ZNF746: variants seen among roughly 807,000 people sequenced by gnomAD.
ZNF746 encodes parkin-interacting substrate.
In ZNF746, 13 loss-of-function variants were observed where a neutral mutation model predicts 41.0. That is an observed-to-expected ratio of 0.32 (90% CI 0.21 to 0.50). The LOEUF (loss-of-function observed/expected upper bound fraction) is 0.50, where lower values mean the gene tolerates loss of function less well. ZNF746 is among the 20% of genes least tolerant of loss of function. The pLI, the probability that ZNF746 is intolerant of heterozygous loss-of-function variation, is 0.98. For missense variants in ZNF746, 811 were observed against 922.9 expected (o/e 0.88, Z 1.57); for synonymous variants, 424 against 396.2 (o/e 1.07, Z -0.83).
chr7:149,477,560 T>C lies in ZNF746; in HGVS notation c.757+4A>G. 1 of 1,596,692 alleles carries C rather than the reference T, an allele frequency of 6.3e-7. No homozygotes were observed. The highest frequency in any genetic ancestry group is 8.6e-7 in the Non-Finnish European group (1 of 1,167,080). On this transcript the variant is annotated splice_donor_region_variant and intron_variant, in intron 5 of 6. Coordinates refer to ENST00000458143, the MANE Select transcript of ZNF746 (RefSeq NM_001394198.1). ...TTCCTTATGTCCCCGTCTCAGCCAC[T>C]TACCAGAGGTGGCATCCGTGGAGAT...
chr7:149,477,420 C>A, intron 5 of ZNF746, 144 bp downstream of exon 5: 1 of 963,630 alleles, frequency 1.0e-6, no homozygotes, highest in Non-Finnish European at 1.5e-6. Flanking sequence ...TTAGTACAGT[C>A]CTACCTCGAG....
chr7:149,479,532 AAGAAAAAGACAT>A (rs1800422840), intron 4 of ZNF746, among the ~76,000 whole-genome samples: 3 of 152,260 alleles, frequency 2.0e-5, no homozygotes, highest in Non-Finnish European at 4.4e-5. Context: ...ATTTTCAAAA[AAGAAAAAGACAT>A]ATTATGAACA....
chr7:149,496,953 A>T, intron 1 of ZNF746: 2 of 983,090 alleles, frequency 2.0e-6, no homozygotes, highest in Non-Finnish European at 2.4e-6. Flanking sequence ...TTTGTATGAC[A>T]GAGATTAACA....
At position 149,497,325 on chromosome 7, in the gene ZNF746, G is replaced by A. The variant is rs914470442; in HGVS notation, c.24+188C>T. 1.0e-6 allele frequency: 1 copy of A among 984,506 alleles called. No individual in the cohort carries two copies. The highest frequency in any genetic ancestry group is 1.7e-5 in the African/African-American group (1 of 57,312). The allele number at this position is 984,506 out of a possible 1,614,324, so 61.0% of individuals were successfully genotyped here. On this transcript the variant is annotated intron_variant, in intron 1 of 6. Transcript: ENST00000458143. The surrounding 1 kb of genome is among the most constrained non-coding windows in gnomAD (Gnocchi z 4.2). The stretch of plus-strand genomic sequence containing the variant: ...TCCGCCAGCGCTCGGGTTCGGCTCG[G>A]AGTGGGGGCCCGGCCGACGGGCGCA...
At chr7:149,482,958 A>G in intron 4 of ZNF746, among the ~76,000 whole-genome samples, 1 of 152,246 alleles carries the variant, frequency 6.6e-6, no homozygotes, top group East Asian at 1.9e-4. Flanking sequence ...GATTAAAGGG[A>G]CCTAAGCAGA....
chr7:149,491,866 G>C (rs1469170737), intron 4 of ZNF746: 1 of 700,966 alleles, frequency 1.4e-6, no homozygotes, highest in Non-Finnish European at 2.6e-6. Flanking sequence ...TTCACTTTAG[G>C]AATTTGGTTT....
chr7:149,497,587 G>A lies in ZNF746; in HGVS notation c.-51C>T. 1 of 1,039,202 alleles carries A rather than the reference G, an allele frequency of 9.6e-7. No homozygotes were observed. The highest frequency in any genetic ancestry group is 1.2e-6 in the Non-Finnish European group (1 of 868,486). The allele number at this position is 1,039,202 out of a possible 1,614,324, so 64.4% of individuals were successfully genotyped here. Reference sequence around the variant, plus strand: ...GGAGGAAGTCGTCGTCGCCGCCGCCGCGCGCGGCACCACGCAGGCCCGGCC... The same window carrying A: ...GGAGGAAGTCGTCGTCGCCGCCGCCACGCGCGGCACCACGCAGGCCCGGCC... On this transcript the variant is annotated 5_prime_UTR_variant, in exon 1 of 7. Transcript: ENST00000458143. The surrounding 1 kb of genome is among the most constrained non-coding windows in gnomAD (Gnocchi z 4.2).
intron 1 of ZNF746, among the ~76,000 whole-genome samples, chr7:149,496,684 C>G (rs544830991): frequency 2.0e-5 from 3 of 152,142 alleles, no homozygotes; most frequent in Non-Finnish European, 4.4e-5. Flanking sequence ...CCTAAAAGCC[C>G]GGCTCAAATC....
In ZNF746 at chr7:149,494,239, G is replaced by A. The variant is rs756910425; in HGVS notation, c.289C>T (p.Arg97Trp). The A allele has an allele frequency of 5.0e-6, 8 of 1,613,992 alleles. No homozygotes were observed. The highest frequency in any genetic ancestry group is 5.9e-6 in the Non-Finnish European group (7 of 1,180,004). ...TCCCCCTTGCTGCCCGGGGGCAGCC[G>A]CAGGATCCAGAAGTTCCTGTTGCGC... ...LLRNRNFWIL[R>W]LPPGSKGESP... is the part of the protein sequence containing the mutation. The change falls in exon 2 of 7, where the codon CGG becomes TGG. Residue 97 changes from arginine to tryptophan, a missense_variant. This residue lies in a region of ZNF746 where 147 missense variants were observed against 233.4 expected (regional missense o/e 0.63). Coordinates refer to ENST00000458143, the MANE Select transcript of ZNF746 (RefSeq NM_001394198.1). This position sits in a 1 kb window ranked among gnomAD's most constrained non-coding sequence, Gnocchi z 5.6.
Position 149,497,662 on chromosome 7 carries a change from G to T in ZNF746, c.-126C>A. Reference sequence around the variant, plus strand: ...CCTGCCTGGCCTTTCCTCTGCCGCCGCTCCTCGCTGGCTGCCCCTGCGCCG... The same window carrying T: ...CCTGCCTGGCCTTTCCTCTGCCGCCTCTCCTCGCTGGCTGCCCCTGCGCCG... On this transcript the variant is annotated 5_prime_UTR_variant, in exon 1 of 7. Coordinates refer to ENST00000458143, the MANE Select transcript of ZNF746 (RefSeq NM_001394198.1). The surrounding 1 kb of genome is among the most constrained non-coding windows in gnomAD (Gnocchi z 4.2). The T allele has an allele frequency of 1.4e-6, 1 of 727,438 alleles. No individual in the cohort carries two copies. Among genetic ancestry groups the T allele is most frequent in the Non-Finnish European group, 1.7e-6 (1 of 591,148 alleles). The allele number at this position is 727,438 out of a possible 1,614,324, so 45.1% of individuals were successfully genotyped here.
intron 5 of ZNF746, 146 bp downstream of exon 5, chr7:149,477,418 G>GTC: frequency 1.1e-6 from 1 of 944,066 alleles, no homozygotes; most frequent in East Asian, 2.5e-5. Flanking sequence ...CTTTAGTACA[G>GTC]TCCTACCTCG....
rs61734963 is a variant in ZNF746, at chr7:149,476,926, C to T, written c.879G>A (p.Thr293=). Residue 293 remains threonine (T), a synonymous_variant, in exon 6 of 7, where the codon ACG becomes ACA. Coordinates refer to ENST00000458143, the MANE Select transcript of ZNF746 (RefSeq NM_001394198.1). The part of the protein sequence containing the change: ...GTLKLNTAAS[T]EADVKIVIKT... ...TCCTCCTCTCGCCACCTGTACCTTC[C>T]GTGGAGGCTGCTGTGTTGAGCTTCA... 473 of 1,614,018 alleles carry T rather than the reference C, an allele frequency of 2.9e-4. 2 individuals are homozygous for T. The African/African-American group carries it at 5.3e-3, about 18-fold the overall frequency.
At chr7:149,486,106 G>A (rs1460640244) in intron 4 of ZNF746, among the ~76,000 whole-genome samples, 3 of 152,024 alleles carry the variant, frequency 2.0e-5, no homozygotes, top group African/African-American at 7.3e-5. Context: ...AAGGACAAAC[G>A]GCTCACCAGT....
chr7:149,497,240 A>G lies in ZNF746; in HGVS notation c.24+273T>C, dbSNP rs569033546. 1.0e-6 allele frequency: 1 copy of G among 982,588 alleles called. No individual in the cohort carries two copies. The highest frequency in any genetic ancestry group is 1.2e-6 in the Non-Finnish European group (1 of 827,404). 60.9% of individuals were successfully genotyped at this position (982,588 alleles called of 1,614,324 possible). ...AGGGGACAGCGGCTGGGGCGGGGGC[A>G]GGAAGCCCCGGAGGGCCCAAAGAAC... On this transcript the variant is annotated intron_variant, in intron 1 of 6. Coordinates refer to ENST00000458143, the MANE Select transcript of ZNF746 (RefSeq NM_001394198.1). This position sits in a 1 kb window ranked among gnomAD's most constrained non-coding sequence, Gnocchi z 4.2.
intron 4 of ZNF746, among the ~76,000 whole-genome samples, chr7:149,484,780 TAGAA>T (rs1167103010): frequency 9.9e-5 from 15 of 152,252 alleles, no homozygotes; most frequent in South Asian, 8.3e-4. Context: ...AGACAATTAA[TAGAA>T]AGGTTATTAG....
At position 149,474,188 on chromosome 7, in the gene ZNF746, C is replaced by G. The variant is rs905385256; in HGVS notation, c.*196G>C. 6 of 583,604 alleles carry G rather than the reference C, an allele frequency of 1.0e-5. No individual in the cohort carries two copies. The Admixed American group carries it at 1.3e-4, about 13-fold the overall frequency. 36.2% of individuals were successfully genotyped at this position (583,604 alleles called of 1,614,324 possible). A position where few individuals can be genotyped will look rare whatever the true frequency, so the allele number is the denominator to read the frequency against. On this transcript the variant is annotated 3_prime_UTR_variant, in exon 7 of 7. Coordinates refer to ENST00000458143, the MANE Select transcript of ZNF746 (RefSeq NM_001394198.1). The surrounding 1 kb of genome is among the most constrained non-coding windows in gnomAD (Gnocchi z 6.3). ...AAAATTCTACGGCGCTCCCATTTCACAGAGAATTCTACTTGGTTTAGAGGT... is the reference window on the plus strand; with the variant it reads ...AAAATTCTACGGCGCTCCCATTTCAGAGAGAATTCTACTTGGTTTAGAGGT...
Position 149,497,286 on chromosome 7 carries a change from G to T in ZNF746, c.24+227C>A, listed in dbSNP as rs955557553. 7.2e-5 allele frequency: 71 copies of T among 985,146 alleles called. No homozygotes were observed. The African/African-American group carries it at 1.2e-3, about 17-fold the overall frequency. 61.0% of individuals were successfully genotyped at this position (985,146 alleles called of 1,614,324 possible). On this transcript the variant is annotated intron_variant, in intron 1 of 6. Coordinates refer to ENST00000458143, the MANE Select transcript of ZNF746 (RefSeq NM_001394198.1). The surrounding 1 kb of genome is among the most constrained non-coding windows in gnomAD (Gnocchi z 4.2). ...AGAACTTGGCGTGGGGCGGCCCGGG[G>T]CGGGGACAACCGTTCCGCCAGCGCT...
chr7:149,487,174 C>T (rs781640948), intron 4 of ZNF746, among the ~76,000 whole-genome samples: 3 of 152,194 alleles, frequency 2.0e-5, no homozygotes, highest in Non-Finnish European at 4.4e-5. Flanking sequence ...AGTTTCATCC[C>T]CAAACCATGC....
chr7:149,493,408 C>T (rs1456661520), intron 3 of ZNF746, among the ~76,000 whole-genome samples: 4 of 152,156 alleles, frequency 2.6e-5, no homozygotes, highest in Non-Finnish European at 5.9e-5. Context: ...CCCTCGGCTC[C>T]GGGGTCACAC....
Sources: allele counts gnomAD v4.1 joint callset (sites outside exome capture counted in the v4.1 genomes callset), GRCh38; gene constraint gnomAD v4.1.1; regional missense constraint gnomAD v4.1.1; non-coding constraint Gnocchi (gnomAD v3.1); transcripts MANE v1.5; gene names NCBI Gene and HGNC (gene_info 2026-07-23, HGNC 2026-07-21).